ITM2B: variants seen among roughly 807,000 people sequenced by gnomAD.
The protein encoded by ITM2B is ABri/ADan amyloid peptide.
A neutral mutation model predicts 27.8 loss-of-function variants in ITM2B; 11 were observed. That is an observed-to-expected ratio of 0.40 (90% confidence interval 0.25 to 0.66). ITM2B has a LOEUF of 0.66. ITM2B is among the 30% of genes least tolerant of loss of function. ITM2B has a pLI of 0.43. For synonymous variants in ITM2B, 114 were observed against 114.3 expected, an observed-to-expected ratio of 1.00 and a Z score of 0.02; for missense variants, 296 against 328.9, an observed-to-expected ratio of 0.90 and a Z score of 0.77.
rs1951850480 is a variant in ITM2B, at chr13:48,265,910, T to C, written c.*4686T>C. 6.6e-6 allele frequency: 1 copy of C among 152,194 alleles called. No individual in the cohort carries two copies. The highest frequency in any genetic ancestry group is 2.1e-4 in the South Asian group (1 of 4,834). The allele number at this position is 152,194 out of a possible 1,614,324, so 9.4% of individuals were successfully genotyped here. On this transcript the variant is annotated 3_prime_UTR_variant, in exon 6 of 6. Transcript: ENST00000647800. The stretch of plus-strand genomic sequence containing the variant: ...TGACTTGAATATAATTAATATTTTA[T>C]ATTTTGTCCTTGTTGCTTGTTTGGT...
chr13:48,268,750 AGT>A lies in ITM2B; in HGVS notation c.*7529_*7530del, dbSNP rs1214270182. On this transcript the variant is annotated 3_prime_UTR_variant, in exon 6 of 6. Coordinates refer to ENST00000647800, the MANE Select transcript of ITM2B (RefSeq NM_021999.5). ...TTTGTAGATAGCTCATGTTTTAAAA[AGT>A]GTTTGTTTAATGATTTCATTGCAAA... is the stretch of plus-strand genomic sequence containing the variant. The A allele has an allele frequency of 6.6e-6, 1 of 152,228 alleles. No homozygotes were observed. The highest frequency in any genetic ancestry group is 2.4e-5 in the African/African-American group (1 of 41,460). 9.4% of individuals were successfully genotyped at this position (152,228 alleles called of 1,614,324 possible). A position where few individuals can be genotyped will look rare whatever the true frequency, so the allele number is the denominator to read the frequency against.
chr13:48,242,773 G>A (rs1255679406), intron 1 of ITM2B, among the ~76,000 whole-genome samples: 4 of 151,892 alleles, frequency 2.6e-5, no homozygotes, highest in Non-Finnish European at 5.9e-5. Context: ...ACAGGCTGGT[G>A]ATTTTCTCCT....
intron 4 of ITM2B, among the ~76,000 whole-genome samples, 164 bp from the exon 5 acceptor site, chr13:48,258,633 G>C (rs954381922): frequency 4.6e-5 from 7 of 152,202 alleles, no homozygotes; most frequent in South Asian, 2.1e-4. Context: ...CCAGGAATTT[G>C]AGACCAGCCT....
intron 1 of ITM2B, among the ~76,000 whole-genome samples, chr13:48,251,853 T>G (rs1240281758): frequency 6.6e-6 from 1 of 152,216 alleles, no homozygotes; most frequent in Non-Finnish European, 1.5e-5. Context: ...AGACAAGGGC[T>G]CAAGCAAAAG....
chr13:48,268,213 C>G lies in ITM2B; in HGVS notation c.*6989C>G, dbSNP rs1951863671. 6.6e-6 allele frequency: 1 copy of G among 152,068 alleles called. No individual in the cohort carries two copies. The highest frequency in any genetic ancestry group is 1.5e-5 in the Non-Finnish European group (1 of 68,010). The allele number at this position is 152,068 out of a possible 1,614,324, so 9.4% of individuals were successfully genotyped here. ...GTTTTGACATTTGTCCATGTTGTTG[C>G]ATGACTCAGCAGTTCTTTCTTTTCA... On this transcript the variant is annotated 3_prime_UTR_variant, in exon 6 of 6. Transcript: ENST00000647800.
At position 48,258,913 on chromosome 13, in the gene ITM2B, A is replaced by T. The variant is rs1358779115; in HGVS notation, c.681A>T (p.Glu227Asp). ...TTTATCGACTGTGTCATGACAAGGA[A>T]ACTTACAAACTGCAACGCAGAGAAA... The part of the protein sequence containing the change: ...FFIYRLCHDK[E>D]TYKLQRRETI... Residue 227 changes from glutamate (E) to aspartate (D), a missense_variant, in exon 5 of 6, where the codon GAA becomes GAT. Coordinates refer to ENST00000647800, the MANE Select transcript of ITM2B (RefSeq NM_021999.5). 6.2e-7 allele frequency: 1 copy of T among 1,613,552 alleles called. No individual in the cohort carries two copies. The highest frequency in any genetic ancestry group is 1.7e-5 in the Admixed American group (1 of 59,998).
At chr13:48,238,043 A>G (rs1951678538) in intron 1 of ITM2B, among the ~76,000 whole-genome samples, 1 of 152,188 alleles carries the variant, frequency 6.6e-6, no homozygotes, top group African/African-American at 2.4e-5. Context: ...GGATTTGACA[A>G]TTCTGAATTT....
At chr13:48,248,072 T>G (rs1031944228) in intron 1 of ITM2B, among the ~76,000 whole-genome samples, 1 of 152,204 alleles carries the variant, frequency 6.6e-6, no homozygotes, top group African/African-American at 2.4e-5. Flanking sequence ...AAGAAGCTCT[T>G]ACTTGTTAGT....
rs1951718850 is a variant in ITM2B, at chr13:48,245,356, G to A, written c.118-8452G>A. On this transcript the variant is annotated intron_variant, in intron 1 of 5. Transcript: ENST00000647800. ...AAAAAAATGGTTACAGTTCTGTTCA[G>A]CATAGATTGAATAAACACAGTAGAG... Among the ~76,000 whole-genome samples the A allele has an allele frequency of 2.0e-5, 3 of 151,996 alleles. No homozygotes were observed. The South Asian group carries it at 6.2e-4, about 31-fold the overall frequency.
At chr13:48,245,692 C>T (rs1951720493) in intron 1 of ITM2B, among the ~76,000 whole-genome samples, 1 of 149,566 alleles carries the variant, frequency 6.7e-6, no homozygotes, top group Non-Finnish European at 1.5e-5. Flanking sequence ...TTTTTTCATT[C>T]TATATTACTG....
chr13:48,233,532 G>T (rs1951649096), intron 1 of ITM2B, 55 bp downstream of exon 1: 3 of 1,245,260 alleles, frequency 2.4e-6, no homozygotes, highest in Non-Finnish European at 1.1e-6. Flanking sequence ...GGGGAGGGCT[G>T]CGCGGACTGC....
intron 1 of ITM2B, among the ~76,000 whole-genome samples, chr13:48,237,934 A>T (rs1357878475): frequency 6.6e-6 from 1 of 152,214 alleles, no homozygotes; most frequent in East Asian, 1.9e-4. Flanking sequence ...CAGTAAAATC[A>T]TCCTCTTAAA....
chr13:48,245,131 G>C (rs1951717630), intron 1 of ITM2B, among the ~76,000 whole-genome samples: 1 of 152,300 alleles, frequency 6.6e-6, no homozygotes, highest in South Asian at 2.1e-4. Context: ...TTCGAGACCA[G>C]CCTGGCCAAC....
At chr13:48,260,927 T>A (rs1951818097) in intron 5 of ITM2B, among the ~76,000 whole-genome samples, 1 of 152,196 alleles carries the variant, frequency 6.6e-6, no homozygotes, top group Non-Finnish European at 1.5e-5. Context: ...GATAGCATTA[T>A]TAATGTTGCT....
chr13:48,256,458 A>G, intron 3 of ITM2B, 75 bp downstream of exon 3: 1 of 1,134,524 alleles, frequency 8.8e-7, no homozygotes, highest in Non-Finnish European at 1.3e-6. Context: ...TAATTTCAAT[A>G]TTTGCTAATT....
chr13:48,257,078 A>T (rs937856892), intron 3 of ITM2B, among the ~76,000 whole-genome samples: 13 of 152,248 alleles, frequency 8.5e-5, no homozygotes, highest in African/African-American at 3.1e-4. Flanking sequence ...GTGTACATAT[A>T]TACATATGTT....
chr13:48,258,652 T>C (rs987108533), intron 4 of ITM2B, 145 bp from the exon 5 acceptor site: 1 of 746,852 alleles, frequency 1.3e-6, no homozygotes, highest in African/African-American at 1.7e-5. Context: ...CTGGACAACA[T>C]AGTGAGAACA....
intron 5 of ITM2B, among the ~76,000 whole-genome samples, chr13:48,259,916 G>A (rs947679188): frequency 4.6e-5 from 7 of 151,818 alleles, no homozygotes; most frequent in African/African-American, 1.7e-4. Flanking sequence ...TTGTTACATA[G>A]GTATACAGGT....
At chr13:48,238,218 C>G (rs1951679739) in intron 1 of ITM2B, among the ~76,000 whole-genome samples, 1 of 152,078 alleles carries the variant, frequency 6.6e-6, no homozygotes, top group Admixed American at 6.6e-5. Context: ...GTGATTATCC[C>G]TTTTAATTAG....
Sources: gnomAD v4.1 joint callset for allele counts (sites outside exome capture counted in the v4.1 genomes callset) on GRCh38, gnomAD v4.1.1 for gene constraint, MANE v1.5 for transcripts, NCBI Gene and HGNC (gene_info 2026-07-23, HGNC 2026-07-21) for gene names.